ROBO2: variants seen among roughly 807,000 people sequenced by gnomAD.
The protein encoded by ROBO2 is roundabout homolog 2.
A neutral mutation model predicts 160.8 loss-of-function variants in ROBO2; 53 were observed. The observed-to-expected ratio is 0.33, with a 90% CI of 0.26 to 0.41. The LOEUF (loss-of-function observed/expected upper bound fraction) is 0.41. ROBO2 is among the 10% of genes least tolerant of loss of function. The probability of loss-of-function intolerance (pLI) is 1.00; values close to 1 mark genes in which losing one functional copy is unlikely to be tolerated. For synonymous variants in ROBO2, 664 were observed against 611.7 expected (o/e 1.09, Z -1.26); for missense variants, 1,577 against 1,722.4 (o/e 0.92, Z 1.49).
chr3:76,808,092 G>A (rs1176432332), intron 2 of ROBO2, among the ~76,000 whole-genome samples: 1 of 151,990 alleles, frequency 6.6e-6, no homozygotes, highest in Non-Finnish European at 1.5e-5. Flanking sequence ...TGTACTTGAA[G>A]GAGACTTCAA....
chr3:77,299,002 G>A (rs2062406854), intron 2 of ROBO2, among the ~76,000 whole-genome samples: 1 of 152,146 alleles, frequency 6.6e-6, no homozygotes, highest in South Asian at 2.1e-4. Context: ...AATTGCCAGA[G>A]TCAAGATTAT....
intron 2 of ROBO2, among the ~76,000 whole-genome samples, chr3:76,293,192 G>A (rs892307442): frequency 2.6e-5 from 4 of 152,178 alleles, no homozygotes; most frequent in African/African-American, 4.8e-5. Context: ...ACTGAGACCC[G>A]AAAGGTCTCA....
intron 23 of ROBO2, among the ~76,000 whole-genome samples, chr3:77,626,339 G>A (rs1189131424): frequency 2.0e-5 from 3 of 152,070 alleles, no homozygotes; most frequent in Non-Finnish European, 4.4e-5. Flanking sequence ...AGTGACCCAT[G>A]CTAACAAAAT....
chr3:77,117,869 A>G (rs2074361499), intron 2 of ROBO2, among the ~76,000 whole-genome samples: 1 of 152,196 alleles, frequency 6.6e-6, no homozygotes, highest in Admixed American at 6.5e-5. Context: ...TTGAAGCTAA[A>G]AATTATTCTT....
intron 2 of ROBO2, among the ~76,000 whole-genome samples, chr3:76,124,544 G>A (rs2070889707): frequency 6.6e-6 from 1 of 152,048 alleles, no homozygotes; most frequent in Admixed American, 6.6e-5. Flanking sequence ...AGGCACCAGA[G>A]ACAATGTAAA....
At chr3:77,403,116 T>C (rs907359833) in intron 2 of ROBO2, among the ~76,000 whole-genome samples, 1 of 152,168 alleles carries the variant, frequency 6.6e-6, no homozygotes, top group Non-Finnish European at 1.5e-5. Context: ...ACTGACAAAA[T>C]TATGTATTTG....
chr3:77,122,482 G>A (rs1388795235), intron 2 of ROBO2, among the ~76,000 whole-genome samples: 1 of 152,114 alleles, frequency 6.6e-6, no homozygotes, highest in Admixed American at 6.6e-5. Context: ...CTGCCCCTTT[G>A]CTTTTGTGTG....
chr3:77,062,590 T>G (rs2066433345), intron 1 of ROBO2, among the ~76,000 whole-genome samples: 1 of 152,160 alleles, frequency 6.6e-6, no homozygotes, highest in Admixed American at 6.5e-5. Context: ...TGGTAGCCTT[T>G]AGGTCACACT....
intron 2 of ROBO2, among the ~76,000 whole-genome samples, chr3:77,124,895 T>C (rs1221231747): frequency 1.3e-5 from 2 of 151,990 alleles, no homozygotes; most frequent in Non-Finnish European, 2.9e-5. Flanking sequence ...CCTTTCTTTC[T>C]TTTTTCCCCC....
At chr3:76,220,996 T>C (rs891409405) in intron 2 of ROBO2, among the ~76,000 whole-genome samples, 4 of 152,138 alleles carry the variant, frequency 2.6e-5, no homozygotes, top group African/African-American at 4.8e-5. Flanking sequence ...TAGTTTTGCA[T>C]TGAGCTTAAT....
intron 21 of ROBO2, among the ~76,000 whole-genome samples, chr3:77,612,407 C>G (rs544485943): frequency 1.3e-5 from 2 of 152,154 alleles, no homozygotes; most frequent in African/African-American, 4.8e-5. Context: ...ACGTGAACAC[C>G]ATAGAGATAA....
At chr3:77,162,847 T>A (rs990203598) in intron 2 of ROBO2, among the ~76,000 whole-genome samples, 13 of 152,154 alleles carry the variant, frequency 8.5e-5, no homozygotes, top group Non-Finnish European at 1.9e-4. Context: ...TTTTTTCTTT[T>A]GAGATGGAGT....
Position 77,541,089 on chromosome 3 carries a change from G to C in ROBO2, c.935-5249G>C, listed in dbSNP as rs376796871. Among the ~76,000 whole-genome samples, 18 of 152,110 alleles carry C rather than the reference G, an allele frequency of 1.2e-4. No individual in the cohort carries two copies. In the East Asian group the frequency reaches 1.5e-3, roughly 13 times the overall value. On this transcript the variant is annotated intron_variant, in intron 6 of 25. Transcript: ENST00000461745. ...CAAAAAATTCGAAATGGCAATTATAGAATTAAAAGTTTATTCATTCAGGCA... is the reference window on the plus strand; with the variant it reads ...CAAAAAATTCGAAATGGCAATTATACAATTAAAAGTTTATTCATTCAGGCA...
At chr3:76,662,918 A>G (rs1014906799) in intron 2 of ROBO2, among the ~76,000 whole-genome samples, 1 of 152,216 alleles carries the variant, frequency 6.6e-6, no homozygotes, top group Non-Finnish European at 1.5e-5. Context: ...ACTCAGGTCC[A>G]CAGATGAACA....
At position 76,403,768 on chromosome 3, in the gene ROBO2, G is replaced by A. The variant is rs77975824; in HGVS notation, c.109+466166G>A. Among the ~76,000 whole-genome samples the A allele has an allele frequency of 3.2e-4, 48 of 151,674 alleles. No individual in the cohort carries two copies. The East Asian group carries it at 9.1e-3, about 29-fold the overall frequency. ...GACTCATTCTAATGTTTGAGGCAGT[G>A]ACTTTTCCTTTCATCCAAAATGCTT... On this transcript the variant is annotated intron_variant, in intron 2 of 26. Transcript: ENST00000487694.
intron 2 of ROBO2, among the ~76,000 whole-genome samples, chr3:76,310,930 C>G (rs1434411846): frequency 6.6e-6 from 1 of 152,214 alleles, no homozygotes; most frequent in Non-Finnish European, 1.5e-5. Context: ...TGCTTCTCAT[C>G]TTTTTCACAT....
chr3:76,459,076 G>A (rs144875920), intron 2 of ROBO2, among the ~76,000 whole-genome samples: 2 of 152,104 alleles, frequency 1.3e-5, no homozygotes, highest in East Asian at 1.9e-4. Context: ...ATTTATATCT[G>A]GCTTTGTTAT....
intron 2 of ROBO2, among the ~76,000 whole-genome samples, chr3:77,278,752 C>T (rs564968932): frequency 2.6e-4 from 40 of 152,116 alleles, no homozygotes; most frequent in African/African-American, 9.6e-4. Flanking sequence ...CTAATTTTTG[C>T]TTCACTTTTT....
intron 2 of ROBO2, among the ~76,000 whole-genome samples, chr3:77,223,074 C>T (rs555719498): frequency 6.6e-6 from 1 of 152,218 alleles, no homozygotes; most frequent in African/African-American, 2.4e-5. Context: ...CTTCACTTTC[C>T]GTTTTATTCA....
Sources: allele counts gnomAD v4.1 joint callset (sites outside exome capture counted in the v4.1 genomes callset), GRCh38; gene constraint gnomAD v4.1.1; transcripts MANE v1.5; gene names NCBI Gene and HGNC (gene_info 2026-07-23, HGNC 2026-07-21).